The following HEPHL1 variants were observed in gnomAD, a reference collection of about 807,000 sequenced individuals.
The protein encoded by HEPHL1 is ferroxidase HEPHL1.
Under a neutral mutation model 122.0 loss-of-function variants are expected in HEPHL1, and 123 were observed. That is an observed-to-expected ratio of 1.01 (90% CI 0.87 to 1.17). The LOEUF is 1.17. HEPHL1 is among the 50% of genes most tolerant of loss of function. The pLI, the probability that HEPHL1 is intolerant of heterozygous loss-of-function variation, is 0.00. For missense variants in HEPHL1, 1,452 were observed against 1,430.5 expected (o/e 1.01, Z -0.24); for synonymous variants, 527 against 508.9 (o/e 1.04, Z -0.48).
chr11:94,104,443 C>T, intron 15 of HEPHL1, 85 bp from the exon 16 acceptor site: 1 of 915,822 alleles, frequency 1.1e-6, no homozygotes, highest in Non-Finnish European at 1.7e-6. Flanking sequence ...GGTATTATGA[C>T]CCTACACTAG....
intron 2 of HEPHL1, 96 bp from the exon 3 acceptor site, chr11:94,063,412 T>C (rs997635451): frequency 1.1e-6 from 1 of 938,124 alleles, no homozygotes; most frequent in Non-Finnish European, 1.6e-6. Flanking sequence ...AATTCAGTTA[T>C]GTTTGATTCC....
chr11:94,052,777 A>T (rs762973851), intron 2 of HEPHL1, among the ~76,000 whole-genome samples: 65 of 152,138 alleles, frequency 4.3e-4, no homozygotes, highest in Non-Finnish European at 8.4e-4. Flanking sequence ...TATATATTGC[A>T]TTAACTAATT....
chr11:94,037,544 C>G (rs2134409218), intron 1 of HEPHL1, among the ~76,000 whole-genome samples: 1 of 152,284 alleles, frequency 6.6e-6, no homozygotes, highest in East Asian at 1.9e-4. Flanking sequence ...ACTGCCTCCT[C>G]AAGTGGGTCC....
chr11:94,085,658 A>G lies in HEPHL1; in HGVS notation c.1868-319A>G, dbSNP rs142294953. On this transcript the variant is annotated intron_variant, in intron 10 of 19. Transcript: ENST00000315765. Reference sequence around the variant, plus strand: ...GATCATAGGAAAATAACCACAAAAGAAAAAGATTTTCATATCGAGAGCCTT... The same window carrying G: ...GATCATAGGAAAATAACCACAAAAGGAAAAGATTTTCATATCGAGAGCCTT... 1.6e-3 allele frequency among the ~76,000 whole-genome samples: 246 copies of G among 152,330 alleles called. 2 individuals are homozygous for G. The highest frequency in any genetic ancestry group is 5.6e-3 in the African/African-American group (232 of 41,576).
Position 94,063,675 on chromosome 11 carries a change from G to T in HEPHL1, c.583G>T (p.Asp195Tyr). 1 of 1,613,842 alleles carries T rather than the reference G, an allele frequency of 6.2e-7. No homozygotes were observed. Among genetic ancestry groups the T allele is most frequent in the Non-Finnish European group, 8.5e-7 (1 of 1,179,830 alleles). ...VYHSHIDAPKDICSGLIGPLL... is the reference protein window; with the variant it reads ...VYHSHIDAPKYICSGLIGPLL... ...CCATTCGCACATCGACGCCCCAAAG[G>T]ACATCTGCTCTGGGCTAATTGGGCC... is the stretch of plus-strand genomic sequence containing the variant. Residue 195 changes from aspartate (D) to tyrosine (Y), a missense_variant, in exon 3 of 20, where the codon GAC (aspartate) becomes TAC (tyrosine). By Grantham distance (160) the Asp-to-Tyr change is radical (BLOSUM62 -3). Coordinates refer to ENST00000315765, the MANE Select transcript of HEPHL1 (RefSeq NM_001098672.2).
intron 17 of HEPHL1, 143 bp from the exon 18 acceptor site, chr11:94,110,760 G>A (rs1682470719): frequency 1.6e-6 from 1 of 617,216 alleles, no homozygotes; most frequent in East Asian, 2.8e-5. Flanking sequence ...TATCTCTATT[G>A]TACTTCTATT....
At chr11:94,036,455 G>C (rs1221605254) in intron 1 of HEPHL1, among the ~76,000 whole-genome samples, 1 of 152,102 alleles carries the variant, frequency 6.6e-6, no homozygotes, top group Non-Finnish European at 1.5e-5. Context: ...GTTGGTGCAG[G>C]ACACTCTAGA....
At position 94,112,821 on chromosome 11, in the gene HEPHL1, T is replaced by C. The variant is rs557700300; in HGVS notation, c.*927T>C. On this transcript the variant is annotated 3_prime_UTR_variant, in exon 20 of 20. Transcript: ENST00000315765. Reference sequence around the variant, plus strand: ...GGGCTTGAATTTGGAGTCTGATTTTTCATTCAGTTAGAGGGAATCTTTACA... The same window carrying C: ...GGGCTTGAATTTGGAGTCTGATTTTCCATTCAGTTAGAGGGAATCTTTACA... The C allele has an allele frequency of 6.6e-6, 1 of 152,342 alleles. No individual in the cohort carries two copies. Among genetic ancestry groups the C allele is most frequent in the East Asian group, 1.9e-4 (1 of 5,180 alleles). The allele number at this position is 152,342 out of a possible 1,614,324, so 9.4% of individuals were successfully genotyped here. A position where few individuals can be genotyped will look rare whatever the true frequency, so the allele number is the denominator to read the frequency against.
In HEPHL1 at chr11:94,031,979, A is replaced by G. The variant is rs565956961; in HGVS notation, c.170+10441A>G. 5.6e-4 allele frequency among the ~76,000 whole-genome samples: 86 copies of G among 152,314 alleles called. No homozygotes were observed. The South Asian group carries it at 8.5e-3, about 15-fold the overall frequency. ...GTCTACTCTACAGTTCACTGCACCA[A>G]TTCTCCTTGGAATAGATTTTTGTGG... On this transcript the variant is annotated intron_variant, in intron 1 of 19. Transcript: ENST00000315765.
intron 10 of HEPHL1, among the ~76,000 whole-genome samples, chr11:94,083,861 GT>G (rs1219602267): frequency 6.6e-6 from 1 of 152,022 alleles, no homozygotes; most frequent in Non-Finnish European, 1.5e-5. Flanking sequence ...GGAAATTAAG[GT>G]GGAAATAAGG....
At chr11:94,061,903 C>T (rs1257584655) in intron 2 of HEPHL1, among the ~76,000 whole-genome samples, 1 of 151,968 alleles carries the variant, frequency 6.6e-6, no homozygotes, top group East Asian at 1.9e-4. Context: ...TCTTAATGAA[C>T]TAGTAAGTTT....
intron 13 of HEPHL1, 21 bp downstream of exon 13, chr11:94,093,661 G>A (rs767448183): frequency 7.5e-6 from 12 of 1,606,422 alleles, no homozygotes; most frequent in Admixed American, 5.2e-5. Flanking sequence ...GATTTCAGGC[G>A]TGCACTGTCA....
At chr11:94,078,061 C>T (rs749155671) in intron 9 of HEPHL1, among the ~76,000 whole-genome samples, 3 of 152,162 alleles carry the variant, frequency 2.0e-5, no homozygotes, top group Non-Finnish European at 2.9e-5. Flanking sequence ...TGCAATGGAG[C>T]AAGGACCTTG....
chr11:94,090,411 T>C (rs1565359432), intron 12 of HEPHL1, among the ~76,000 whole-genome samples: 2 of 152,222 alleles, frequency 1.3e-5, no homozygotes, highest in Non-Finnish European at 2.9e-5. Flanking sequence ...ACAACTAATA[T>C]GAACTCCTAC....
At position 94,099,777 on chromosome 11, in the gene HEPHL1, T is replaced by G. The variant is rs373603078; in HGVS notation, c.2435-1418T>G. ...TGATCTCAGACTGCTGTGCTAGCAATGAGTGAGGCTCCTTGGGTGTGGGTC... is the reference window on the plus strand; with the variant it reads ...TGATCTCAGACTGCTGTGCTAGCAAGGAGTGAGGCTCCTTGGGTGTGGGTC... On this transcript the variant is annotated intron_variant, in intron 13 of 19. Coordinates refer to ENST00000315765, the MANE Select transcript of HEPHL1 (RefSeq NM_001098672.2). Among the ~76,000 whole-genome samples the G allele has an allele frequency of 1.1e-4, 16 of 152,246 alleles. No homozygotes were observed. The East Asian group carries it at 2.1e-3, about 20-fold the overall frequency.
chr11:94,067,159 AT>A (rs1442489380), intron 4 of HEPHL1, among the ~76,000 whole-genome samples: 1 of 152,144 alleles, frequency 6.6e-6, no homozygotes, highest in Admixed American at 6.6e-5. Flanking sequence ...CCAGTGAAGG[AT>A]TATGACAGAA....
intron 1 of HEPHL1, among the ~76,000 whole-genome samples, chr11:94,031,777 C>T (rs759984519): frequency 1.3e-5 from 2 of 152,212 alleles, no homozygotes; most frequent in Admixed American, 6.5e-5. Context: ...CTCCCTACCA[C>T]GGACTCCACC....
At position 94,082,586 on chromosome 11, in the gene HEPHL1, C is replaced by A. The variant is rs756484899; in HGVS notation, c.1867+18C>A. The stretch of plus-strand genomic sequence containing the variant: ...AATGCATGGTATGACAAATGACATT[C>A]CCGCCTGTAAATGAAAGGCTGACTT... On this transcript the variant is annotated intron_variant, in intron 10 of 19. Coordinates refer to ENST00000315765, the MANE Select transcript of HEPHL1 (RefSeq NM_001098672.2). 4 of 1,593,980 alleles carry A rather than the reference C, an allele frequency of 2.5e-6. No individual in the cohort carries two copies. The highest frequency in any genetic ancestry group is 3.4e-6 in the Non-Finnish European group (4 of 1,170,012).
intron 1 of HEPHL1, among the ~76,000 whole-genome samples, chr11:94,031,854 C>T (rs569416145): frequency 3.9e-4 from 59 of 152,286 alleles, no homozygotes; most frequent in Middle Eastern, 3.4e-3. Context: ...ATAAATAGCA[C>T]GGATCTCCTT....
Sources: allele counts gnomAD v4.1 joint callset (sites outside exome capture counted in the v4.1 genomes callset), GRCh38; gene constraint gnomAD v4.1.1; transcripts MANE v1.5; gene names NCBI Gene and HGNC (gene_info 2026-07-23, HGNC 2026-07-21).